The following SLC9A3 variants were observed in gnomAD, a reference collection of about 807,000 sequenced individuals.
The protein encoded by SLC9A3 is sodium/hydrogen exchanger 3.
In SLC9A3, 37 loss-of-function variants were observed where a neutral mutation model predicts 86.8. The ratio of observed to expected loss-of-function variants is 0.43; its 90% CI spans 0.33 to 0.56. SLC9A3 has a LOEUF of 0.56. SLC9A3 is among the 20% of genes least tolerant of loss of function. SLC9A3 has a pLI of 0.06. For missense variants in SLC9A3, 1,011 were observed against 1,171.9 expected, an observed-to-expected ratio of 0.86 and a Z score of 2.00; for synonymous variants, 581 against 528.3, an observed-to-expected ratio of 1.10 and a Z score of -1.37.
In SLC9A3 at chr5:475,590, G is replaced by A. The variant is rs1236877440; in HGVS notation, c.2222C>T (p.Thr741Ile). ...SGGIEFLASV[T>I]KDTASDSPAG... ...AGGGGAGTCGGACGCTGTGTCCTTG[G>A]TGACACTAGCCAGGAACTCGATCCC... Residue 741 changes from threonine to isoleucine, a missense_variant, in exon 15 of 17, where the codon ACC becomes ATC. Transcript: ENST00000264938. The A allele has an allele frequency of 6.4e-7, 1 of 1,551,484 alleles. No homozygotes were observed. The highest frequency in any genetic ancestry group is 8.7e-7 in the Non-Finnish European group (1 of 1,146,272).
rs980045502 is a variant in SLC9A3, at chr5:491,537, G to A, written c.514+232C>T. Among the ~76,000 whole-genome samples the A allele has an allele frequency of 3.3e-5, 5 of 151,974 alleles. No individual in the cohort carries two copies. The highest frequency in any genetic ancestry group is 1.9e-4 in the East Asian group (1 of 5,144). The stretch of plus-strand genomic sequence containing the variant: ...CCTGGCCACCTGCAGCCCCCAAGCC[G>A]AGCTGCCGAGATGGGAACTCCTCCC... On this transcript the variant is annotated intron_variant, in intron 2 of 16. Transcript: ENST00000264938. The surrounding 1 kb of genome is among the most constrained non-coding windows in gnomAD (Gnocchi z 9.2).
In SLC9A3 at chr5:477,665, C is replaced by T. The variant is rs534363668; in HGVS notation, c.1648-221G>A. 14 of 519,942 alleles carry T rather than the reference C, an allele frequency of 2.7e-5. No individual in the cohort carries two copies. In the East Asian group the frequency reaches 4.8e-4, roughly 18 times the overall value. 32.2% of individuals were successfully genotyped at this position (519,942 alleles called of 1,614,324 possible). ...TCCGTCTGAGGCCACAGCCAGGCTG[C>T]TGCCTGAACTGGGCAGAGGTCATGC... On this transcript the variant is annotated intron_variant, in intron 10 of 16. Transcript: ENST00000264938.
intron 1 of SLC9A3, among the ~76,000 whole-genome samples, 175 bp from the exon 2 acceptor site, chr5:492,246 G>GACC (rs1739795111): frequency 1.6e-5 from 1 of 64,110 alleles, no homozygotes; most frequent in African/African-American, 6.5e-5. Flanking sequence ...AGGGAGGAAG[G>GACC]TGTGGGGACT....
chr5:483,544 C>T, intron 5 of SLC9A3, 62 bp from the exon 6 acceptor site: 3 of 1,205,232 alleles, frequency 2.5e-6, no homozygotes, highest in Non-Finnish European at 3.6e-6. Context: ...GCCCCCGTGT[C>T]CGCCCAGCCC....
intron 3 of SLC9A3, among the ~76,000 whole-genome samples, chr5:488,077 C>A (rs13158034): frequency 2.0e-5 from 3 of 152,108 alleles, no homozygotes; most frequent in Admixed American, 6.5e-5. Context: ...CATCATTAAC[C>A]CTGAAGCTAT....
At chr5:501,143 A>C (rs1193147549) in intron 1 of SLC9A3, among the ~76,000 whole-genome samples, 1 of 152,146 alleles carries the variant, frequency 6.6e-6, no homozygotes, top group Non-Finnish European at 1.5e-5. Flanking sequence ...CTGGAGGAGG[A>C]AGGGCCGGCG....
At chr5:507,530 G>A (rs986254433) in intron 1 of SLC9A3, among the ~76,000 whole-genome samples, 3 of 151,750 alleles carry the variant, frequency 2.0e-5, no homozygotes, top group Non-Finnish European at 2.9e-5. Context: ...TTCCCAAAGT[G>A]CTGGGATTAC....
chr5:475,972 G>C (rs774586169), intron 14 of SLC9A3, 48 bp downstream of exon 14: 1 of 1,492,736 alleles, frequency 6.7e-7, no homozygotes, highest in Non-Finnish European at 9.1e-7. Flanking sequence ...CTGGGGCTGG[G>C]AGGTGGTGGC....
At chr5:475,415 CAGTG>C (rs756672419) in intron 15 of SLC9A3, 142 bp downstream of exon 15, 36 of 629,406 alleles carry the variant, frequency 5.7e-5, no homozygotes, top group Middle Eastern at 8.6e-4. Flanking sequence ...AGGGGGCACT[CAGTG>C]GGTGCCAAGC....
At chr5:521,765 G>A (rs1029794358) in intron 1 of SLC9A3, among the ~76,000 whole-genome samples, 2 of 152,194 alleles carry the variant, frequency 1.3e-5, no homozygotes, top group South Asian at 2.1e-4. Flanking sequence ...CTGGACCTGA[G>A]GGTCCTCTGG....
At chr5:481,259 C>T (rs73040800) in intron 9 of SLC9A3, among the ~76,000 whole-genome samples, 164 of 152,362 alleles carry the variant, frequency 1.1e-3, no homozygotes, top group African/African-American at 3.8e-3. Flanking sequence ...GCCTTATTTT[C>T]AATTCCTACA....
rs942714165 is a variant in SLC9A3 at position 472,762 on chromosome 5, G to C, written c.*617C>G. 7 of 585,316 alleles carry C rather than the reference G, an allele frequency of 1.2e-5. No individual in the cohort carries two copies. Among genetic ancestry groups the C allele is most frequent in the South Asian group, 3.0e-5 (2 of 65,640 alleles). 36.3% of individuals were successfully genotyped at this position (585,316 alleles called of 1,614,324 possible). On this transcript the variant is annotated 3_prime_UTR_variant, in exon 17 of 17. Coordinates refer to ENST00000264938, the MANE Select transcript of SLC9A3 (RefSeq NM_004174.4). Reference sequence around the variant, plus strand: ...GGCGCTGGGCCTGCAGCCGCTGCAGGTCGGGCCCTGAGTCCTGGCGCTCGG... The same window carrying C: ...GGCGCTGGGCCTGCAGCCGCTGCAGCTCGGGCCCTGAGTCCTGGCGCTCGG...
At chr5:508,327 G>C (rs991895138) in intron 1 of SLC9A3, among the ~76,000 whole-genome samples, 12 of 150,464 alleles carry the variant, frequency 8.0e-5, no homozygotes, top group African/African-American at 2.9e-4. Context: ...GTCTGCCGGG[G>C]ATAGAGATGC....
intron 1 of SLC9A3, among the ~76,000 whole-genome samples, chr5:492,627 G>A (rs1187131798): frequency 6.6e-6 from 1 of 152,016 alleles, no homozygotes; most frequent in Non-Finnish European, 1.5e-5. Flanking sequence ...CCGGTGCTAT[G>A]GGGTGGAGGC....
intron 1 of SLC9A3, among the ~76,000 whole-genome samples, chr5:509,780 C>G (rs978353004): frequency 2.6e-5 from 4 of 152,104 alleles, no homozygotes; most frequent in East Asian, 1.9e-4. Flanking sequence ...CTGCAAAGAA[C>G]CAGGAATGAG....
In SLC9A3 at chr5:507,163, C is replaced by CTGCTTTTTTTTTTTT. The variant is rs1553999262; in HGVS notation, c.212-15093_212-15092insAAAAAAAAAAAAGCA. Among the ~76,000 whole-genome samples, 7 of 34,754 alleles carry CTGCTTTTTTTTTTTT rather than the reference C, an allele frequency of 2.0e-4. 2 individuals are homozygous for CTGCTTTTTTTTTTTT. The highest frequency in any genetic ancestry group is 3.9e-4 in the Non-Finnish European group (7 of 17,886). 22.8% of individuals were successfully genotyped at this position (34,754 alleles called of 152,430 possible). A position where few individuals can be genotyped will look rare whatever the true frequency, so the allele number is the denominator to read the frequency against. On this transcript the variant is annotated intron_variant, in intron 1 of 16. Coordinates refer to ENST00000264938, the MANE Select transcript of SLC9A3 (RefSeq NM_004174.4). Reference sequence around the variant, plus strand: ...GTAAGAAGGAGGGATCCGGCTGCTGCTTCTTTTTTTTTTTTTTTTTTTTGA... The same window carrying CTGCTTTTTTTTTTTT: ...GTAAGAAGGAGGGATCCGGCTGCTGCTGCTTTTTTTTTTTTTTCTTTTTTTTTTTTTTTTTTTTGA...
In SLC9A3 at chr5:476,227, T is replaced by C; in HGVS notation, c.2042A>G (p.Tyr681Cys). The C allele has an allele frequency of 6.2e-7, 1 of 1,613,900 alleles. No individual in the cohort carries two copies. The highest frequency in any genetic ancestry group is 1.1e-5 in the South Asian group (1 of 91,088). ...LNQNKKAAKL[Y>C]KRERAQKRRN... The stretch of plus-strand genomic sequence containing the variant: ...CCGCTTCTGGGCACGCTCCCGCTTG[T>C]ACAGCTTGGCCGCCTTCTTGTTCTG... Residue 681 changes from tyrosine to cysteine, a missense_variant, in exon 13 of 17, where the codon TAC becomes TGC. Physicochemically the swap from Tyr to Cys is radical, Grantham distance 194. Transcript: ENST00000264938.
Position 488,336 on chromosome 5 carries a change from G to T in SLC9A3, c.655C>A (p.Leu219Met). Residue 219 changes from leucine to methionine, a missense_variant, in exon 3 of 17, where the codon CTG becomes ATG. Leu to Met is a conservative substitution (Grantham distance 15). This residue lies in a region of SLC9A3 where 565 missense variants were observed against 790.0 expected (regional missense o/e 0.72). Transcript: ENST00000264938. ...CTCACCACGGTGACTGCGTCGTTCA[G>T]CAGCGACTCCCCGAAGACGATGATG... The part of the protein sequence containing the change: ...LFIIVFGESL[L>M]NDAVTVVLYN... The T allele has an allele frequency of 1.9e-6, 3 of 1,612,730 alleles. No homozygotes were observed. The highest frequency in any genetic ancestry group is 2.5e-6 in the Non-Finnish European group (3 of 1,179,876).
At chr5:488,197 G>A (rs1485035691) in intron 3 of SLC9A3, 119 bp downstream of exon 3, 3 of 1,143,504 alleles carry the variant, frequency 2.6e-6, no homozygotes, top group Non-Finnish European at 3.8e-6. Flanking sequence ...GACGCCCCCG[G>A]GAGGGGAGTT....
Sources: gnomAD v4.1 joint callset for allele counts (sites outside exome capture counted in the v4.1 genomes callset) on GRCh38, gnomAD v4.1.1 for gene constraint, gnomAD v4.1.1 regional missense constraint, Gnocchi (gnomAD v3.1) non-coding constraint, MANE v1.5 for transcripts, NCBI Gene and HGNC (gene_info 2026-07-23, HGNC 2026-07-21) for gene names.